The following EXOC6B variants were observed in gnomAD, a reference collection of about 807,000 sequenced individuals.
EXOC6B encodes exocyst complex component 6B.
Under a neutral mutation model 113.5 loss-of-function variants are expected in EXOC6B, and 54 were observed. That is an observed-to-expected ratio of 0.48 (90% confidence interval 0.38 to 0.60). EXOC6B has a LOEUF of 0.60. EXOC6B is among the 20% of genes least tolerant of loss of function. EXOC6B has a pLI of 0.00. For missense variants in EXOC6B, 797 were observed against 977.5 expected (o/e 0.82, Z 2.46); for synonymous variants, 357 against 339.0 (o/e 1.05, Z -0.58).
chr2:72,215,035 A>G (rs1680435014), intron 20 of EXOC6B, among the ~76,000 whole-genome samples: 1 of 152,210 alleles, frequency 6.6e-6, no homozygotes. Context: ...TCTCTCATTA[A>G]TCATAAGAGT....
At chr2:72,502,032 A>C (rs1034873672) in intron 11 of EXOC6B, among the ~76,000 whole-genome samples, 1 of 151,996 alleles carries the variant, frequency 6.6e-6, no homozygotes, top group Non-Finnish European at 1.5e-5. Context: ...CAAAGTACTG[A>C]AATTACAGGC....
chr2:72,654,547 C>T lies in EXOC6B; in HGVS notation c.669+63556G>A, dbSNP rs148670712. On this transcript the variant is annotated intron_variant, in intron 6 of 21. Coordinates refer to ENST00000272427, the MANE Select transcript of EXOC6B (RefSeq NM_015189.3). Reference sequence around the variant, plus strand: ...TCTGGTTTTGTCCTGTTATTTTTGGCTCCTCCAGAGATGTAAATTAAACAA... The same window carrying T: ...TCTGGTTTTGTCCTGTTATTTTTGGTTCCTCCAGAGATGTAAATTAAACAA... Among the ~76,000 whole-genome samples, 73 of 152,312 alleles carry T rather than the reference C, an allele frequency of 4.8e-4. 1 individual carries two copies. Among genetic ancestry groups the T allele is most frequent in the East Asian group, 2.1e-3 (11 of 5,186 alleles).
chr2:72,741,292 G>C lies in EXOC6B; in HGVS notation c.279+12C>G. ...CAGGACGGAGAAACAGTATCTCTTA[G>C]AGCCTTCTTACTTTGAGTTTCTGGG... On this transcript the variant is annotated intron_variant, in intron 2 of 21. Coordinates refer to ENST00000272427, the MANE Select transcript of EXOC6B (RefSeq NM_015189.3). The C allele has an allele frequency of 6.2e-7, 1 of 1,610,310 alleles. No homozygotes were observed. The highest frequency in any genetic ancestry group is 8.5e-7 in the Non-Finnish European group (1 of 1,178,760).
At chr2:72,620,672 A>G (rs1349810554) in intron 6 of EXOC6B, among the ~76,000 whole-genome samples, 1 of 152,030 alleles carries the variant, frequency 6.6e-6, no homozygotes, top group African/African-American at 2.4e-5. Flanking sequence ...AAGTTAAACT[A>G]AAGAGCTTCC....
At chr2:72,643,925 A>T (rs1475198349) in intron 6 of EXOC6B, among the ~76,000 whole-genome samples, 1 of 152,144 alleles carries the variant, frequency 6.6e-6, no homozygotes, top group African/African-American at 2.4e-5. Flanking sequence ...CCAGCAACAG[A>T]ACAAAGCTGG....
At chr2:72,558,714 A>T (rs1228479493) in intron 8 of EXOC6B, among the ~76,000 whole-genome samples, 1 of 152,150 alleles carries the variant, frequency 6.6e-6, no homozygotes, top group African/African-American at 2.4e-5. Context: ...GGTTGTGGTG[A>T]GCCAAGATCA....
At chr2:72,267,291 A>G (rs1342573298) in intron 20 of EXOC6B, among the ~76,000 whole-genome samples, 1 of 152,122 alleles carries the variant, frequency 6.6e-6, no homozygotes, top group African/African-American at 2.4e-5. Flanking sequence ...TTCCAACACT[A>G]TGTTGAATAG....
intron 17 of EXOC6B, 129 bp from the exon 18 acceptor site, chr2:72,465,468 T>C (rs1306729725): frequency 4.5e-6 from 3 of 666,162 alleles, no homozygotes; most frequent in Non-Finnish European, 7.3e-6. Context: ...GAGCCATACA[T>C]ATCACAGTCT....
At chr2:72,254,210 A>T (rs1559063370) in intron 20 of EXOC6B, among the ~76,000 whole-genome samples, 1 of 152,126 alleles carries the variant, frequency 6.6e-6, no homozygotes, top group Non-Finnish European at 1.5e-5. Context: ...TAGGAATGTG[A>T]CCTTATTTGG....
chr2:72,443,704 T>G (rs1386647852), intron 18 of EXOC6B, among the ~76,000 whole-genome samples: 1 of 152,178 alleles, frequency 6.6e-6, no homozygotes, highest in Non-Finnish European at 1.5e-5. Context: ...AGAGAATATG[T>G]GCAGGGGAAC....
At chr2:72,572,083 A>G (rs1704544498) in intron 7 of EXOC6B, among the ~76,000 whole-genome samples, 1 of 152,226 alleles carries the variant, frequency 6.6e-6, no homozygotes, top group Non-Finnish European at 1.5e-5. Context: ...TTTAGAAAGC[A>G]AACTTAACTT....
chr2:72,490,794 C>A (rs1687801335), intron 16 of EXOC6B, among the ~76,000 whole-genome samples: 1 of 152,118 alleles, frequency 6.6e-6, no homozygotes, highest in African/African-American at 2.4e-5. Context: ...GAAACCCAAG[C>A]TGAGAAGTTA....
At chr2:72,689,555 G>T (rs1573627704) in intron 6 of EXOC6B, among the ~76,000 whole-genome samples, 1 of 152,114 alleles carries the variant, frequency 6.6e-6, no homozygotes, top group Non-Finnish European at 1.5e-5. Context: ...TAATTGATTG[G>T]CTATGAAGTG....
chr2:72,193,711 G>T (rs1678992420), intron 20 of EXOC6B, among the ~76,000 whole-genome samples: 2 of 152,132 alleles, frequency 1.3e-5, no homozygotes, highest in African/African-American at 4.8e-5. Context: ...TGGGGTGGGG[G>T]TGTCAAGCAA....
At chr2:72,449,897 T>C (rs185166321) in intron 18 of EXOC6B, among the ~76,000 whole-genome samples, 1 of 152,310 alleles carries the variant, frequency 6.6e-6, no homozygotes, top group Non-Finnish European at 1.5e-5. Context: ...GAATCAGCTA[T>C]TCTCTGTCAC....
chr2:72,405,410 C>T (rs77005916), intron 18 of EXOC6B, among the ~76,000 whole-genome samples: 31,881 of 152,016 alleles, frequency 0.21, 6,321 homozygotes, highest in African/African-American at 0.53. Flanking sequence ...TCAGATTCAC[C>T]GAAGTTCAAA....
chr2:72,825,565 C>T lies in EXOC6B; in HGVS notation c.113+233G>A, dbSNP rs539941936. On this transcript the variant is annotated intron_variant, in intron 1 of 21. Coordinates refer to ENST00000272427, the MANE Select transcript of EXOC6B (RefSeq NM_015189.3). The surrounding 1 kb of genome is among the most constrained non-coding windows in gnomAD (Gnocchi z 4.4). ...AGCCTCGGAGGGAGAACGAAGGCTGCTCCTGCCCCGAGGGAGGCAGCGGGA... is the reference window on the plus strand; with the variant it reads ...AGCCTCGGAGGGAGAACGAAGGCTGTTCCTGCCCCGAGGGAGGCAGCGGGA... Among the ~76,000 whole-genome samples, 6 of 152,300 alleles carry T rather than the reference C, an allele frequency of 3.9e-5. No individual in the cohort carries two copies. In the South Asian group the frequency reaches 1.2e-3, roughly 32 times the overall value.
At chr2:72,461,590 T>C (rs1387471470) in intron 18 of EXOC6B, 1 of 152,010 alleles carries the variant, frequency 6.6e-6, no homozygotes, top group Non-Finnish European at 1.5e-5. Context: ...CATTTGTTTG[T>C]TGGATTTTTA....
intron 7 of EXOC6B, 48 bp downstream of exon 7, chr2:72,575,444 A>G (rs779591316): frequency 2.0e-6 from 3 of 1,533,784 alleles, no homozygotes; most frequent in Non-Finnish European, 2.7e-6. Flanking sequence ...CAACCATACT[A>G]TTTAAGCTTA....
Sources: allele counts gnomAD v4.1 joint callset (sites outside exome capture counted in the v4.1 genomes callset), GRCh38; gene constraint gnomAD v4.1.1; non-coding constraint Gnocchi (gnomAD v3.1); transcripts MANE v1.5; gene names NCBI Gene and HGNC (gene_info 2026-07-23, HGNC 2026-07-21).